Variants in TCF7L1 observed in about 807,000 individuals in gnomAD.
TCF7L1 encodes transcription factor 7 like 1.
TCF7L1 carries 18 observed loss-of-function variants against 63.7 expected under a neutral mutation model. That is an observed-to-expected ratio of 0.28 (90% CI 0.20 to 0.42). TCF7L1 has a LOEUF of 0.42. Ranked by LOEUF, TCF7L1 falls within the 10% of genes least tolerant of loss-of-function variation. The pLI is 1.00. For missense variants in TCF7L1, 654 were observed against 779.3 expected (o/e 0.84, Z 1.91); for synonymous variants, 355 against 340.9 (o/e 1.04, Z -0.46).
chr2:85,285,732 C>G (rs902514172), intron 4 of TCF7L1, among the ~76,000 whole-genome samples: 3 of 152,208 alleles, frequency 2.0e-5, no homozygotes, highest in Non-Finnish European at 2.9e-5. Context: ...GCACCTCCCC[C>G]CAGTGCAGCC....
At chr2:85,294,069 CTCTGTCG>C (rs774090216) in intron 4 of TCF7L1, among the ~76,000 whole-genome samples, 1 of 100,596 alleles carries the variant, frequency 9.9e-6, no homozygotes, top group African/African-American at 4.2e-5. Context: ...TGGGGTCTCC[CTCTGTCG>C]CCCAGGCTGG....
chr2:85,297,690 T>TCAC (rs1409089376), intron 4 of TCF7L1, among the ~76,000 whole-genome samples: 29 of 152,014 alleles, frequency 1.9e-4, no homozygotes, highest in Non-Finnish European at 3.4e-4. Flanking sequence ...CCCGGCATGG[T>TCAC]GGGAAGATCC....
Position 85,133,980 on chromosome 2 carries a change from C to CGCGCGTCT in TCF7L1, c.250-34_250-33insGCGTCTGC. On this transcript the variant is annotated intron_variant, in intron 1 of 11. Coordinates refer to ENST00000282111, the MANE Select transcript of TCF7L1 (RefSeq NM_031283.3). This position sits in a 1 kb window ranked among gnomAD's most constrained non-coding sequence, Gnocchi z 4.4. ...CCCCGGGGGATCCCGGCCCTGCGTC[C>CGCGCGTCT]GCTCACCCGCTCTTGCCTTTGTGTC... 6.3e-7 allele frequency: 1 copy of CGCGCGTCT among 1,595,182 alleles called. No homozygotes were observed. Among genetic ancestry groups the CGCGCGTCT allele is most frequent in the African/African-American group, 1.4e-5 (1 of 73,936 alleles).
chr2:85,260,345 C>G (rs1237460011), intron 3 of TCF7L1, among the ~76,000 whole-genome samples: 3 of 152,078 alleles, frequency 2.0e-5, no homozygotes, highest in African/African-American at 7.2e-5. Flanking sequence ...TTTAAAGAGA[C>G]CTTGTACGTG....
chr2:85,140,095 G>A (rs1403047477), intron 3 of TCF7L1, among the ~76,000 whole-genome samples: 1 of 152,164 alleles, frequency 6.6e-6, no homozygotes, highest in African/African-American at 2.4e-5. Context: ...TTGGGGAGGG[G>A]AGGTACCAGA....
At chr2:85,209,181 C>T (rs1299029551) in intron 3 of TCF7L1, among the ~76,000 whole-genome samples, 2 of 152,100 alleles carry the variant, frequency 1.3e-5, no homozygotes, top group Non-Finnish European at 2.9e-5. Context: ...GGCTAGAGAG[C>T]GAATAAGGCA....
chr2:85,140,874 A>T (rs1677719076), intron 3 of TCF7L1, among the ~76,000 whole-genome samples: 2 of 151,214 alleles, frequency 1.3e-5, no homozygotes, highest in Non-Finnish European at 2.9e-5. Context: ...AGGAAGAAAG[A>T]ATCCAGCCTG....
Position 85,142,074 on chromosome 2 carries a change from A to T in TCF7L1, c.441+7624A>T, listed in dbSNP as rs935206275. 2.6e-5 allele frequency among the ~76,000 whole-genome samples: 4 copies of T among 152,130 alleles called. No homozygotes were observed. The East Asian group carries it at 7.7e-4, about 29-fold the overall frequency. On this transcript the variant is annotated intron_variant, in intron 3 of 11. Transcript: ENST00000282111. ...AAAGGAAGACATGGCACACCTGGGA[A>T]ATTTTCCCTCCTTTTATTATCTGGA...
Position 85,306,259 on chromosome 2 carries a change from A to T in TCF7L1, c.1043A>T (p.Lys348Met), listed in dbSNP as rs1313593320. 6.2e-7 allele frequency: 1 copy of T among 1,614,194 alleles called. No homozygotes were observed. The highest frequency in any genetic ancestry group is 1.7e-5 in the Admixed American group (1 of 60,024). Residue 348 changes from lysine (K) to methionine (M), a missense_variant, in exon 9 of 12, where the codon AAG becomes ATG. Lys to Met is a moderately conservative substitution (Grantham distance 95). Coordinates refer to ENST00000282111, the MANE Select transcript of TCF7L1 (RefSeq NM_031283.3). The surrounding 1 kb of genome is among the most constrained non-coding windows in gnomAD (Gnocchi z 4.3). ...KEEEKKPHVK[K>M]PLNAFMLYMK... ...GAGGAAAAGAAGCCCCACGTGAAGA[A>T]GCCTCTGAATGCCTTCATGTTGTAT...
At chr2:85,148,856 C>A (rs989343673) in intron 3 of TCF7L1, among the ~76,000 whole-genome samples, 11 of 150,730 alleles carry the variant, frequency 7.3e-5, no homozygotes, top group Non-Finnish European at 1.6e-4. Flanking sequence ...TCACTGCAAC[C>A]TCTGCCCCCC....
rs1010760992 is a variant in TCF7L1 at position 85,283,394 on chromosome 2, A to G, written c.442-101A>G. On this transcript the variant is annotated intron_variant, in intron 3 of 11. Transcript: ENST00000282111. ...GTGGCATGAAAATGCAGGCCACCCC[A>G]ATGGCCTGCCCCGGTGCCCTAACAG... 43 of 1,257,714 alleles carry G rather than the reference A, an allele frequency of 3.4e-5. 1 individual carries two copies. The highest frequency in any genetic ancestry group is 1.9e-4 in the Middle Eastern group (1 of 5,378). The allele number at this position is 1,257,714 out of a possible 1,614,324, so 77.9% of individuals were successfully genotyped here.
Position 85,309,316 on chromosome 2 carries a change from C to A in TCF7L1, c.1621C>A (p.Leu541Ile), listed in dbSNP as rs755579774. ...SSGQMGSQPP[L>I]LSRPLPLGSM... is the part of the protein sequence containing the mutation. Reference sequence around the variant, plus strand: ...TGGGCAGATGGGCAGCCAGCCTCCCCTCCTGTCCCGGCCCCTCCCCCTTGG... The same window carrying A: ...TGGGCAGATGGGCAGCCAGCCTCCCATCCTGTCCCGGCCCCTCCCCCTTGG... The change falls in exon 12 of 12, where the codon CTC becomes ATC. Residue 541 changes from leucine (L) to isoleucine (I), a missense_variant. Coordinates refer to ENST00000282111, the MANE Select transcript of TCF7L1 (RefSeq NM_031283.3). 30 of 1,613,300 alleles carry A rather than the reference C, an allele frequency of 1.9e-5. No individual in the cohort carries two copies. The Admixed American group carries it at 3.2e-4, about 17-fold the overall frequency.
intron 3 of TCF7L1, among the ~76,000 whole-genome samples, chr2:85,185,343 A>C (rs1465939881): frequency 6.6e-6 from 1 of 151,792 alleles, no homozygotes; most frequent in African/African-American, 2.4e-5. Context: ...CTGTAGCCTC[A>C]AACTCCTAGG....
chr2:85,216,251 T>C (rs1468296520), intron 3 of TCF7L1, among the ~76,000 whole-genome samples: 1 of 152,126 alleles, frequency 6.6e-6, no homozygotes, highest in Non-Finnish European at 1.5e-5. Context: ...TCCCCGTGGC[T>C]CCGGGCAGCT....
chr2:85,223,258 A>T (rs916852351), intron 3 of TCF7L1, among the ~76,000 whole-genome samples: 5 of 152,092 alleles, frequency 3.3e-5, no homozygotes, highest in Admixed American at 2.0e-4. Flanking sequence ...ATTTTTCTAA[A>T]TTTTTTGTAG....
At chr2:85,160,001 C>T (rs541153626) in intron 3 of TCF7L1, among the ~76,000 whole-genome samples, 1 of 152,312 alleles carries the variant, frequency 6.6e-6, no homozygotes, top group South Asian at 2.1e-4. Context: ...GGAGTTCACG[C>T]CATGTCCCAT....
chr2:85,309,562 C>G lies in TCF7L1; in HGVS notation c.*100C>G. On this transcript the variant is annotated 3_prime_UTR_variant, in exon 12 of 12. Coordinates refer to ENST00000282111, the MANE Select transcript of TCF7L1 (RefSeq NM_031283.3). ...CTTTATTGGTCAATATTTGACCACT[C>G]TGGACTGTTCTGTAAAGTGGCTGGT... 1.6e-6 allele frequency: 2 copies of G among 1,242,156 alleles called. No homozygotes were observed. The highest frequency in any genetic ancestry group is 2.2e-6 in the Non-Finnish European group (2 of 920,542). The allele number at this position is 1,242,156 out of a possible 1,614,324, so 76.9% of individuals were successfully genotyped here.
intron 4 of TCF7L1, among the ~76,000 whole-genome samples, chr2:85,291,580 TTTTGGTTTTGG>T (rs749124618): frequency 0.08 from 12,248 of 152,178 alleles, 673 homozygotes; most frequent in African/African-American, 0.16. Flanking sequence ...TTGGTTTTGG[TTTTGGTTTTGG>T]TTTTAGGACG....
intron 4 of TCF7L1, among the ~76,000 whole-genome samples, chr2:85,291,993 ATTTTTTTTTTTTTTTTTTTTTTT>A (rs1167747216): frequency 2.9e-4 from 4 of 13,836 alleles, no homozygotes; most frequent in Non-Finnish European, 2.9e-4. Flanking sequence ...GGTCATATGT[ATTTTTTTTTTTTTTTTTTTTTTT>A]TTTTTTTTTT....
Sources: allele counts gnomAD v4.1 joint callset (sites outside exome capture counted in the v4.1 genomes callset), GRCh38; gene constraint gnomAD v4.1.1; non-coding constraint Gnocchi (gnomAD v3.1); transcripts MANE v1.5; gene names NCBI Gene and HGNC (gene_info 2026-07-23, HGNC 2026-07-21).